The following SEZ6L variants were observed in gnomAD, a reference collection of about 807,000 sequenced individuals.
The protein encoded by SEZ6L is seizure related 6 homolog like.
SEZ6L carries 37 observed loss-of-function variants against 106.2 expected under a neutral mutation model. The observed-to-expected ratio is 0.35, with a 90% CI of 0.27 to 0.46. The LOEUF is 0.46. Ranked by LOEUF, SEZ6L falls within the 20% of genes least tolerant of loss-of-function variation. The probability of loss-of-function intolerance (pLI) is 1.00; values close to 1 mark genes in which losing one functional copy is unlikely to be tolerated. For synonymous variants in SEZ6L, 541 were observed against 570.4 expected, an observed-to-expected ratio of 0.95 and a Z score of 0.73; for missense variants, 1,172 against 1,332.8, an observed-to-expected ratio of 0.88 and a Z score of 1.88.
intron 15 of SEZ6L, among the ~76,000 whole-genome samples, chr22:26,377,059 C>T (rs2084252071): frequency 6.6e-6 from 1 of 152,114 alleles, no homozygotes; most frequent in South Asian, 2.1e-4. Flanking sequence ...GCTGGAGGAT[C>T]GCGTGAGCCC....
chr22:26,272,344 T>G (rs1226154838), intron 1 of SEZ6L, among the ~76,000 whole-genome samples: 1 of 152,204 alleles, frequency 6.6e-6, no homozygotes, highest in East Asian at 1.9e-4. Flanking sequence ...AAAGATATGC[T>G]TAGGACCATG....
rs56124325 is a variant in SEZ6L, at chr22:26,211,804, T to TAAA, written c.94+42064_94+42066dup. On this transcript the variant is annotated intron_variant, in intron 1 of 16. Coordinates refer to ENST00000248933, the MANE Select transcript of SEZ6L (RefSeq NM_021115.5). Reference sequence around the variant, plus strand: ...GGGCAACATAGCCAGACCTCGTCTCTAAAAAAAAAAAAAAAAAAAAAAAAA... The same window carrying TAAA: ...GGGCAACATAGCCAGACCTCGTCTCTAAAAAAAAAAAAAAAAAAAAAAAAAAAA... Among the ~76,000 whole-genome samples the TAAA allele has an allele frequency of 9.4e-3, 453 of 47,962 alleles. 14 individuals are homozygous for TAAA. Among genetic ancestry groups the TAAA allele is most frequent in the South Asian group, 0.022 (19 of 882 alleles). 31.5% of individuals were successfully genotyped at this position (47,962 alleles called of 152,430 possible).
At chr22:26,304,428 GAA>G (rs1057329847) in intron 5 of SEZ6L, among the ~76,000 whole-genome samples, 2 of 142,216 alleles carry the variant, frequency 1.4e-5, no homozygotes, top group Non-Finnish European at 3.1e-5. Context: ...AAGAAAGAAA[GAA>G]AAAGAAAGGA....
rs990188198 is a variant in SEZ6L at position 26,359,708 on chromosome 22, G to A, written c.2600-5664G>A. Among the ~76,000 whole-genome samples the A allele has an allele frequency of 2.6e-5, 4 of 152,266 alleles. No individual in the cohort carries two copies. In the East Asian group the frequency reaches 5.8e-4, roughly 22 times the overall value. ...TGGTCCCAGCGACTCGGGAGGCTAAGGTGGGAGGATCTCTTGAAAGGGAGG... is the reference window on the plus strand; with the variant it reads ...TGGTCCCAGCGACTCGGGAGGCTAAAGTGGGAGGATCTCTTGAAAGGGAGG... On this transcript the variant is annotated intron_variant, in intron 12 of 16. Transcript: ENST00000248933.
chr22:26,215,219 A>C (rs754637485), intron 1 of SEZ6L, among the ~76,000 whole-genome samples: 1 of 152,196 alleles, frequency 6.6e-6, no homozygotes, highest in East Asian at 1.9e-4. Context: ...TTGTCCTAAG[A>C]TGTACTTCTT....
intron 6 of SEZ6L, 74 bp from the exon 7 acceptor site, chr22:26,310,596 C>T (rs2081790942): frequency 1.2e-5 from 19 of 1,520,522 alleles, no homozygotes; most frequent in Non-Finnish European, 1.7e-5. Flanking sequence ...GCAGTCGTAG[C>T]ACATCCCTTC....
intron 11 of SEZ6L, among the ~76,000 whole-genome samples, chr22:26,350,415 A>G (rs1214196639): frequency 4.0e-5 from 6 of 151,054 alleles, no homozygotes; most frequent in African/African-American, 1.5e-4. Context: ...TTTTGTAGGG[A>G]CCGGATCTTG....
Position 26,373,460 on chromosome 22 carries a change from A to G in SEZ6L, c.2804A>G (p.Asp935Gly). 1 of 1,604,072 alleles carries G rather than the reference A, an allele frequency of 6.2e-7. No homozygotes were observed. The highest frequency in any genetic ancestry group is 8.5e-7 in the Non-Finnish European group (1 of 1,176,700). The change falls in exon 14 of 17, where the codon GAC (aspartate) becomes GGC (glycine). Residue 935 changes from aspartate to glycine, a missense_variant. This residue lies in a region of SEZ6L where 141 missense variants were observed against 176.0 expected (regional missense o/e 0.80). Transcript: ENST00000248933. Reference protein sequence around the residue: ...GPLPVCKVNQDSFEHALEVAE... With the variant: ...GPLPVCKVNQGSFEHALEVAE... ...CTGATTTCTCTTTCAGTTAATCAAG[A>G]CAGTTTTGAACATGCTTTAGAAGGT...
At chr22:26,191,073 T>C (rs1471331869) in intron 1 of SEZ6L, among the ~76,000 whole-genome samples, 2 of 152,210 alleles carry the variant, frequency 1.3e-5, no homozygotes, top group African/African-American at 2.4e-5. Flanking sequence ...TGACTTGTCA[T>C]TGGTTGTAAA....
chr22:26,263,117 G>A (rs1033750955), intron 1 of SEZ6L, among the ~76,000 whole-genome samples: 4 of 152,074 alleles, frequency 2.6e-5, no homozygotes, highest in African/African-American at 9.7e-5. Flanking sequence ...GCTTCCCATG[G>A]TCTACCGGGT....
At chr22:26,236,613 A>C (rs2078965311) in intron 1 of SEZ6L, among the ~76,000 whole-genome samples, 1 of 152,136 alleles carries the variant, frequency 6.6e-6, no homozygotes, top group Non-Finnish European at 1.5e-5. Context: ...CCAGTTTCAA[A>C]TCTGGGGTCC....
intron 9 of SEZ6L, among the ~76,000 whole-genome samples, chr22:26,323,034 C>A (rs375360665): frequency 9.2e-5 from 14 of 152,276 alleles, no homozygotes; most frequent in Admixed American, 5.9e-4. Flanking sequence ...CCGAGAGGGG[C>A]CCCAAGTGGG....
rs1556332058 is a variant in SEZ6L at position 26,304,369 on chromosome 22, G to GAAAGA, written c.1349-1608_1349-1607insAGAAA. On this transcript the variant is annotated intron_variant, in intron 5 of 16. Coordinates refer to ENST00000248933, the MANE Select transcript of SEZ6L (RefSeq NM_021115.5). Reference sequence around the variant, plus strand: ...TTTGTCTCAAAAAAAAAAAAAGAAAGAAGAAAGAAAGAAAGAAAGAAAGAA... The same window carrying GAAAGA: ...TTTGTCTCAAAAAAAAAAAAAGAAAGAAAGAAAGAAAGAAAGAAAGAAAGAAAGAA... 1.4e-3 allele frequency among the ~76,000 whole-genome samples: 133 copies of GAAAGA among 98,280 alleles called. 5 individuals are homozygous for GAAAGA. Among genetic ancestry groups the GAAAGA allele is most frequent in the Middle Eastern group, 5.1e-3 (1 of 196 alleles). 64.5% of individuals were successfully genotyped at this position (98,280 alleles called of 152,430 possible). A position where few individuals can be genotyped will look rare whatever the true frequency, so the allele number is the denominator to read the frequency against.
At chr22:26,198,376 A>G (rs948085705) in intron 1 of SEZ6L, among the ~76,000 whole-genome samples, 3 of 152,226 alleles carry the variant, frequency 2.0e-5, no homozygotes, top group Admixed American at 1.3e-4. Flanking sequence ...TTATCCAAAG[A>G]CTGTAAGCTT....
At chr22:26,333,197 G>A (rs1335308609) in intron 9 of SEZ6L, among the ~76,000 whole-genome samples, 1 of 152,224 alleles carries the variant, frequency 6.6e-6, no homozygotes, top group South Asian at 2.1e-4. Context: ...TGTGCCCAGA[G>A]CAGGGTCAAG....
In SEZ6L at chr22:26,292,131, GGAAA is replaced by G. The variant is rs199804075; in HGVS notation, c.95-261_95-258del. On this transcript the variant is annotated intron_variant, in intron 1 of 16. Coordinates refer to ENST00000248933, the MANE Select transcript of SEZ6L (RefSeq NM_021115.5). ...GAAGGGGAAAGGAAGGAGGGAGGGAGGAAAGAAAGAAAGAAAGGAAGGAAGGAAG... is the reference window on the plus strand; with the variant it reads ...GAAGGGGAAAGGAAGGAGGGAGGGAGGAAAGAAAGAAAGGAAGGAAGGAAG... 5.1e-3 allele frequency: 1,741 copies of G among 342,446 alleles called. 11 individuals carry two copies. The highest frequency in any genetic ancestry group is 5.3e-3 in the Non-Finnish European group (1,013 of 191,610). The allele number at this position is 342,446 out of a possible 1,614,324, so 21.2% of individuals were successfully genotyped here. A position where few individuals can be genotyped will look rare whatever the true frequency, so the allele number is the denominator to read the frequency against.
chr22:26,273,359 C>T (rs916893787), intron 1 of SEZ6L, among the ~76,000 whole-genome samples: 3 of 152,386 alleles, frequency 2.0e-5, no homozygotes, highest in East Asian at 1.9e-4. Flanking sequence ...CTGACAATGG[C>T]CACTCTGAGG....
chr22:26,201,882 G>A (rs899533784), intron 1 of SEZ6L, among the ~76,000 whole-genome samples: 3 of 152,098 alleles, frequency 2.0e-5, no homozygotes, highest in Non-Finnish European at 4.4e-5. Flanking sequence ...CTAAAAGGAA[G>A]GCAACAGCTG....
At chr22:26,170,278 C>G (rs544641001) in intron 1 of SEZ6L, among the ~76,000 whole-genome samples, 1 of 152,144 alleles carries the variant, frequency 6.6e-6, no homozygotes, top group African/African-American at 2.4e-5. Flanking sequence ...CCCCGAGGGT[C>G]TGTGTTCCTG....
Sources: gnomAD v4.1 joint callset for allele counts (sites outside exome capture counted in the v4.1 genomes callset) on GRCh38, gnomAD v4.1.1 for gene constraint, gnomAD v4.1.1 regional missense constraint, MANE v1.5 for transcripts, NCBI Gene and HGNC (gene_info 2026-07-23, HGNC 2026-07-21) for gene names.